Variants in CAMK1D observed in about 807,000 individuals in gnomAD.
The protein encoded by CAMK1D is calcium/calmodulin-dependent protein kinase type 1D.
Under a neutral mutation model 47.7 loss-of-function variants are expected in CAMK1D, and 9 were observed. The ratio of observed to expected loss-of-function variants is 0.19; its 90% CI spans 0.11 to 0.33. CAMK1D has a LOEUF of 0.33. Among genes scored for constraint, CAMK1D ranks in the 10% least tolerant of loss-of-function variants. CAMK1D has a pLI of 1.00. For missense variants in CAMK1D, 291 were observed against 488.7 expected (o/e 0.60, Z 3.81); for synonymous variants, 184 against 184.9 (o/e 0.99, Z 0.04).
At chr10:12,463,439 G>T (rs1833497269) in intron 1 of CAMK1D, among the ~76,000 whole-genome samples, 1 of 152,120 alleles carries the variant, frequency 6.6e-6, no homozygotes, top group African/African-American at 2.4e-5. Flanking sequence ...CACTTGGCCA[G>T]CTCTAAGAGT....
intron 1 of CAMK1D, among the ~76,000 whole-genome samples, chr10:12,506,649 G>A (rs931048304): frequency 3.9e-5 from 6 of 152,100 alleles, no homozygotes; most frequent in African/African-American, 1.4e-4. Context: ...CTCACGAGTA[G>A]CTGGGACTAC....
At chr10:12,537,075 T>G (rs1278966553) in intron 1 of CAMK1D, among the ~76,000 whole-genome samples, 1 of 151,974 alleles carries the variant, frequency 6.6e-6, no homozygotes, top group Non-Finnish European at 1.5e-5. Flanking sequence ...TCACTTTTTC[T>G]TCTTCTTTTT....
At chr10:12,361,664 T>G (rs1239408667) in intron 1 of CAMK1D, among the ~76,000 whole-genome samples, 1 of 149,368 alleles carries the variant, frequency 6.7e-6, no homozygotes, top group Non-Finnish European at 1.5e-5. Flanking sequence ...CAAGTGATTC[T>G]CCTGCCTCAG....
At chr10:12,681,513 G>T (rs1394244859) in intron 3 of CAMK1D, among the ~76,000 whole-genome samples, 1 of 152,280 alleles carries the variant, frequency 6.6e-6, no homozygotes, top group Non-Finnish European at 1.5e-5. Flanking sequence ...CGGATGAGTG[G>T]CAGCTGCTGA....
intron 5 of CAMK1D, among the ~76,000 whole-genome samples, chr10:12,789,501 C>G (rs1837884117): frequency 6.6e-6 from 1 of 152,222 alleles, no homozygotes; most frequent in South Asian, 2.1e-4. Context: ...TCTCACCTAT[C>G]AGGTGCACTT....
At chr10:12,813,943 A>G (rs1442623156) in intron 6 of CAMK1D, among the ~76,000 whole-genome samples, 1 of 125,480 alleles carries the variant, frequency 8.0e-6, no homozygotes, top group East Asian at 2.3e-4. Flanking sequence ...ATGTCAGCTG[A>G]TTTTTTTTTT....
At chr10:12,793,389 G>T (rs189959722) in intron 6 of CAMK1D, among the ~76,000 whole-genome samples, 1 of 152,250 alleles carries the variant, frequency 6.6e-6, no homozygotes, top group African/African-American at 2.4e-5. Context: ...GTGGGGCATT[G>T]GTACAGCTCT....
chr10:12,411,940 A>C (rs1022308659), intron 1 of CAMK1D, among the ~76,000 whole-genome samples: 3 of 152,222 alleles, frequency 2.0e-5, no homozygotes, highest in African/African-American at 7.2e-5. Context: ...GTAGCTACAA[A>C]GTCAAGAATC....
intron 1 of CAMK1D, among the ~76,000 whole-genome samples, chr10:12,503,287 G>A (rs1030380080): frequency 3.9e-5 from 6 of 152,168 alleles, no homozygotes; most frequent in Non-Finnish European, 8.8e-5. Context: ...TTTGCTCCTC[G>A]CCCCGCCTGA....
At chr10:12,512,623 G>C (rs74897973) in intron 1 of CAMK1D, among the ~76,000 whole-genome samples, 14 of 152,140 alleles carry the variant, frequency 9.2e-5, no homozygotes, top group Non-Finnish European at 1.6e-4. Context: ...ATTAGACTCC[G>C]TAGTGGCTAC....
intron 6 of CAMK1D, among the ~76,000 whole-genome samples, chr10:12,799,163 C>T (rs933685022): frequency 9.9e-5 from 15 of 152,192 alleles, no homozygotes; most frequent in Non-Finnish European, 7.3e-5. Flanking sequence ...CACGACTCGA[C>T]GCAACACCAT....
intron 2 of CAMK1D, among the ~76,000 whole-genome samples, chr10:12,661,505 G>A (rs1840273845): frequency 1.3e-5 from 2 of 152,182 alleles, no homozygotes; most frequent in Admixed American, 1.3e-4. Context: ...TCATGGGCTT[G>A]TTGTTAATGG....
chr10:12,727,672 C>G (rs543944902), intron 3 of CAMK1D, among the ~76,000 whole-genome samples: 1 of 151,950 alleles, frequency 6.6e-6, no homozygotes, highest in Non-Finnish European at 1.5e-5. Flanking sequence ...TGATTACGTA[C>G]AAGGGCAGAA....
chr10:12,816,832 A>G (rs1023854247), intron 8 of CAMK1D, among the ~76,000 whole-genome samples: 2 of 145,332 alleles, frequency 1.4e-5, no homozygotes, highest in African/African-American at 5.2e-5. Context: ...AGATCGCACC[A>G]TTGCACTCCA....
At chr10:12,778,605 A>G (rs1837366562) in intron 5 of CAMK1D, among the ~76,000 whole-genome samples, 1 of 152,212 alleles carries the variant, frequency 6.6e-6, no homozygotes, top group Admixed American at 6.6e-5. Context: ...GGCTGGGCAC[A>G]GTGGCTCATG....
At chr10:12,814,825 C>T (rs1228377326) in intron 7 of CAMK1D, among the ~76,000 whole-genome samples, 2 of 152,216 alleles carry the variant, frequency 1.3e-5, no homozygotes, top group African/African-American at 2.4e-5. Flanking sequence ...TCATGAGCTA[C>T]ATATTTGCGT....
chr10:12,388,019 C>G (rs1441291117), intron 1 of CAMK1D, among the ~76,000 whole-genome samples: 3 of 152,074 alleles, frequency 2.0e-5, no homozygotes, highest in African/African-American at 4.8e-5. Flanking sequence ...GGGAACCTCC[C>G]TTTCTGTAGG....
At chr10:12,570,651 G>A (rs974862026) in intron 2 of CAMK1D, among the ~76,000 whole-genome samples, 6 of 139,556 alleles carry the variant, frequency 4.3e-5, no homozygotes, top group African/African-American at 1.7e-4. Context: ...TTGTGCTCCA[G>A]CTTGGGCAAC....
chr10:12,647,145 C>CTTTTTTTTTTT (rs397693477), intron 2 of CAMK1D, among the ~76,000 whole-genome samples: 2 of 76,780 alleles, frequency 2.6e-5, no homozygotes, highest in African/African-American at 4.5e-5. Context: ...CCAGGCTAGC[C>CTTTTTTTTTTT]TTTTTTTTTT....
Sources: gnomAD v4.1 joint callset for allele counts (sites outside exome capture counted in the v4.1 genomes callset) on GRCh38, gnomAD v4.1.1 for gene constraint, MANE v1.5 for transcripts, NCBI Gene and HGNC (gene_info 2026-07-23, HGNC 2026-07-21) for gene names.